The following CLTC variants were observed in gnomAD, a reference collection of about 807,000 sequenced individuals.
CLTC encodes the protein clathrin heavy chain.
Under a neutral mutation model 195.8 loss-of-function variants are expected in CLTC, and 16 were observed. The ratio of observed to expected loss-of-function variants is 0.08; its 90% CI spans 0.06 to 0.12. CLTC has a LOEUF of 0.12. Among genes scored for constraint, CLTC ranks in the 10% least tolerant of loss-of-function variants. CLTC has a pLI of 1.00. For missense variants in CLTC, 796 were observed against 2,027.0 expected (o/e 0.39, Z 11.66); for synonymous variants, 667 against 689.4 (o/e 0.97, Z 0.51).
chr17:59,650,973 A>G (rs1383095512), intron 4 of CLTC, among the ~76,000 whole-genome samples: 7 of 152,180 alleles, frequency 4.6e-5, no homozygotes, highest in Non-Finnish European at 4.4e-5. Context: ...GGAATCATAC[A>G]GTATGTGACC....
chr17:59,655,616 GCTAT>G (rs946065600), intron 5 of CLTC, among the ~76,000 whole-genome samples: 3 of 152,182 alleles, frequency 2.0e-5, no homozygotes, highest in Non-Finnish European at 2.9e-5. Context: ...CGTAAACTGT[GCTAT>G]CTAAGTTTTG....
At chr17:59,675,821 C>G (rs2032953577) in intron 16 of CLTC, among the ~76,000 whole-genome samples, 1 of 152,122 alleles carries the variant, frequency 6.6e-6, no homozygotes, top group South Asian at 2.1e-4. Context: ...AAGCTAGATT[C>G]ACATCTAAGT....
chr17:59,628,030 A>G (rs1346542789), intron 1 of CLTC, among the ~76,000 whole-genome samples: 1 of 152,222 alleles, frequency 6.6e-6, no homozygotes. Context: ...TAGAAAGGAA[A>G]ATGGTTACAG....
chr17:59,630,431 A>G (rs750023431), intron 1 of CLTC, among the ~76,000 whole-genome samples: 2 of 152,248 alleles, frequency 1.3e-5, no homozygotes, highest in African/African-American at 2.4e-5. Context: ...TAAAACTCAC[A>G]TAACAAAATT....
chr17:59,643,135 G>C (rs541593948), intron 1 of CLTC, among the ~76,000 whole-genome samples: 2 of 138,626 alleles, frequency 1.4e-5, no homozygotes, highest in Non-Finnish European at 3.0e-5. Context: ...TTTCTGGGGT[G>C]TGTGTGTGTG....
intron 1 of CLTC, among the ~76,000 whole-genome samples, chr17:59,625,667 A>G (rs1002027693): frequency 1.3e-5 from 2 of 152,224 alleles, no homozygotes; most frequent in Admixed American, 1.3e-4. Flanking sequence ...ACAAACAAAA[A>G]TGAAGAAAAA....
At chr17:59,657,867 C>CT (rs545005623) in intron 6 of CLTC, among the ~76,000 whole-genome samples, 21 of 142,508 alleles carry the variant, frequency 1.5e-4, no homozygotes, top group East Asian at 8.2e-4. Context: ...AAGCCAGGGG[C>CT]TTTTTTTTTT....
chr17:59,624,885 G>T (rs990145529), intron 1 of CLTC, among the ~76,000 whole-genome samples: 4 of 152,092 alleles, frequency 2.6e-5, no homozygotes, highest in African/African-American at 9.7e-5. Flanking sequence ...GCTCAGGCTG[G>T]TCTCAAATTA....
chr17:59,621,179 G>A (rs1214292078), intron 1 of CLTC, among the ~76,000 whole-genome samples: 1 of 152,178 alleles, frequency 6.6e-6, no homozygotes, highest in Non-Finnish European at 1.5e-5. Flanking sequence ...TGCCAGTGGC[G>A]GGCCTAGGCA....
chr17:59,619,970 C>G lies in CLTC; in HGVS notation c.-162C>G, dbSNP rs2031304871. 1 of 627,744 alleles carries G rather than the reference C, an allele frequency of 1.6e-6. No individual in the cohort carries two copies. The highest frequency in any genetic ancestry group is 2.8e-6 in the Non-Finnish European group (1 of 356,088). The allele number at this position is 627,744 out of a possible 1,614,324, so 38.9% of individuals were successfully genotyped here. ...TGGCCCCTGGAGCCTCCGCCCCCGA[C>G]CCGAGCTCTTTCGTCTGCCTGCCAG... is the stretch of plus-strand genomic sequence containing the variant. On this transcript the variant is annotated 5_prime_UTR_variant, in exon 1 of 32. Coordinates refer to ENST00000269122, the MANE Select transcript of CLTC (RefSeq NM_004859.4).
chr17:59,679,804 C>T (rs1395558886), intron 18 of CLTC, among the ~76,000 whole-genome samples: 1 of 152,016 alleles, frequency 6.6e-6, no homozygotes, highest in African/African-American at 2.4e-5. Context: ...TGCGGTGGCT[C>T]ACGCCTGTAA....
At chr17:59,652,207 T>G (rs1324612764) in intron 5 of CLTC, among the ~76,000 whole-genome samples, 2 of 152,344 alleles carry the variant, frequency 1.3e-5, no homozygotes, top group East Asian at 3.9e-4. Flanking sequence ...CTTGAACTCC[T>G]CAGTCATCCA....
At chr17:59,669,275 T>C (rs2032794833) in intron 14 of CLTC, among the ~76,000 whole-genome samples, 1 of 152,240 alleles carries the variant, frequency 6.6e-6, no homozygotes, top group Non-Finnish European at 1.5e-5. Flanking sequence ...GGCTTTTGAA[T>C]ATTAACATCA....
chr17:59,639,194 C>T (rs1216914241), intron 1 of CLTC, among the ~76,000 whole-genome samples: 1 of 151,940 alleles, frequency 6.6e-6, no homozygotes, highest in African/African-American at 2.4e-5. Context: ...TGGAAAAGGG[C>T]GGAGGAAATA....
At chr17:59,651,039 C>T (rs2032316512) in intron 4 of CLTC, among the ~76,000 whole-genome samples, 164 bp from the exon 5 acceptor site, 1 of 151,928 alleles carries the variant, frequency 6.6e-6, no homozygotes, top group Non-Finnish European at 1.5e-5. Context: ...AAGTTTGTTC[C>T]TTTTTATTAC....
At chr17:59,655,751 TGTTCTG>T in intron 5 of CLTC, 97 bp from the exon 6 acceptor site, 1 of 916,676 alleles carries the variant, frequency 1.1e-6, no homozygotes. Flanking sequence ...ATAACCCTCT[TGTTCTG>T]GAATTTTACC....
chr17:59,678,829 C>T (rs2033021442), intron 17 of CLTC, among the ~76,000 whole-genome samples: 1 of 138,550 alleles, frequency 7.2e-6, no homozygotes, highest in South Asian at 2.5e-4. Flanking sequence ...AGCGAGCCCC[C>T]CGTCTCTACA....
chr17:59,684,938 A>G (rs1339055015), intron 28 of CLTC, 118 bp from the exon 29 acceptor site: 1 of 709,112 alleles, frequency 1.4e-6, no homozygotes, highest in East Asian at 2.9e-5. Flanking sequence ...ATACCTTTTG[A>G]TGCTTGAATC....
chr17:59,654,337 G>T (rs912898624), intron 5 of CLTC, among the ~76,000 whole-genome samples: 1 of 150,926 alleles, frequency 6.6e-6, no homozygotes, highest in African/African-American at 2.4e-5. Flanking sequence ...CACCCCACCT[G>T]GGTAATTTTT....
Sources: allele counts gnomAD v4.1 joint callset (sites outside exome capture counted in the v4.1 genomes callset), GRCh38; gene constraint gnomAD v4.1.1; transcripts MANE v1.5; gene names NCBI Gene and HGNC (gene_info 2026-07-23, HGNC 2026-07-21).